The following LRBA variants were observed in gnomAD, a reference collection of about 807,000 sequenced individuals.
LRBA encodes LPS responsive beige-like anchor protein.
In LRBA, 176 loss-of-function variants were observed where a neutral mutation model predicts 330.0. That is an observed-to-expected ratio of 0.53 (90% confidence interval 0.47 to 0.60). The LOEUF (loss-of-function observed/expected upper bound fraction) is 0.60, where lower values mean the gene tolerates loss of function less well. Among genes scored for constraint, LRBA ranks in the 20% least tolerant of loss-of-function variants. The probability of loss-of-function intolerance (pLI) is 0.00; values close to 1 mark genes in which losing one functional copy is unlikely to be tolerated. For synonymous variants in LRBA, 1,230 were observed against 1,193.0 expected (o/e 1.03, Z -0.64); for missense variants, 3,259 against 3,444.8 (o/e 0.95, Z 1.35).
chr4:150,502,431 T>C (rs1760404241), intron 40 of LRBA, among the ~76,000 whole-genome samples: 1 of 152,066 alleles, frequency 6.6e-6, no homozygotes, highest in Non-Finnish European at 1.5e-5. Context: ...TAGGCAAAAA[T>C]CACTACAACT....
Position 150,353,768 on chromosome 4 carries a change from A to G in LRBA, c.7195-3609T>C, listed in dbSNP as rs190029976. Among the ~76,000 whole-genome samples, 236 of 152,320 alleles carry G rather than the reference A, an allele frequency of 1.5e-3. 5 individuals are homozygous for G. In the East Asian group the frequency reaches 0.026, roughly 17 times the overall value. On this transcript the variant is annotated intron_variant, in intron 47 of 56. Transcript: ENST00000651943. Reference sequence around the variant, plus strand: ...TAGGTCAGTCCTTAAGGAGTTGACCAGTAATTCGCGGAACTATTGGCAAAA... The same window carrying G: ...TAGGTCAGTCCTTAAGGAGTTGACCGGTAATTCGCGGAACTATTGGCAAAA...
intron 40 of LRBA, among the ~76,000 whole-genome samples, chr4:150,533,528 C>T (rs775492522): frequency 3.9e-5 from 6 of 152,008 alleles, no homozygotes; most frequent in Non-Finnish European, 8.8e-5. Context: ...TATTTGCTTA[C>T]ACTGCTGCTG....
chr4:150,622,134 G>A (rs1776356151), intron 37 of LRBA, among the ~76,000 whole-genome samples: 2 of 152,176 alleles, frequency 1.3e-5, no homozygotes, highest in Non-Finnish European at 2.9e-5. Context: ...GAGGCAACAT[G>A]TTTAAAAACT....
At chr4:150,448,180 A>C (rs922062006) in intron 44 of LRBA, among the ~76,000 whole-genome samples, 4 of 152,226 alleles carry the variant, frequency 2.6e-5, no homozygotes, top group Non-Finnish European at 4.4e-5. Context: ...GGATTTGTCA[A>C]ATATTAATGG....
intron 36 of LRBA, among the ~76,000 whole-genome samples, chr4:150,687,411 A>C (rs1413181019): frequency 1.3e-5 from 2 of 152,066 alleles, no homozygotes; most frequent in Admixed American, 1.3e-4. Flanking sequence ...CAAATCTAAA[A>C]CTTTCATTCA....
chr4:150,376,289 T>C (rs566149994), intron 47 of LRBA, among the ~76,000 whole-genome samples: 3 of 152,328 alleles, frequency 2.0e-5, no homozygotes, highest in African/African-American at 7.2e-5. Context: ...TTAGGTAGTT[T>C]ATCTCAGAAA....
chr4:150,995,787 T>G (rs1742566892), intron 2 of LRBA, among the ~76,000 whole-genome samples: 1 of 152,096 alleles, frequency 6.6e-6, no homozygotes, highest in Admixed American at 6.6e-5. Flanking sequence ...CCTCAATAAA[T>G]ATTATTTATT....
chr4:150,532,560 A>T (rs531970684), intron 40 of LRBA, among the ~76,000 whole-genome samples: 1 of 152,242 alleles, frequency 6.6e-6, no homozygotes, highest in African/African-American at 2.4e-5. Flanking sequence ...TTAAAAAAAA[A>T]TACCAGTGAT....
chr4:150,754,266 G>GCA lies in LRBA; in HGVS notation c.5645+7516_5645+7517insTG, dbSNP rs57817520. The stretch of plus-strand genomic sequence containing the variant: ...CAAAACATATGAATAAAATAAATAA[G>GCA]AAACATATGCTTATCCTAATTAAGG... On this transcript the variant is annotated intron_variant, in intron 35 of 56. Transcript: ENST00000651943. 3.8e-3 allele frequency among the ~76,000 whole-genome samples: 577 copies of GCA among 150,462 alleles called. 1 individual carries two copies. The highest frequency in any genetic ancestry group is 0.013 in the African/African-American group (513 of 40,212).
chr4:150,810,090 T>C (rs1218387565), intron 31 of LRBA, among the ~76,000 whole-genome samples: 1 of 152,154 alleles, frequency 6.6e-6, no homozygotes, highest in East Asian at 1.9e-4. Flanking sequence ...TTTGTGGATA[T>C]AACTGAATAA....
intron 40 of LRBA, among the ~76,000 whole-genome samples, chr4:150,552,840 C>T (rs1249456153): frequency 3.3e-5 from 5 of 151,906 alleles, no homozygotes; most frequent in African/African-American, 4.8e-5. Flanking sequence ...GAGGCTGAGG[C>T]GGGCAGATCA....
chr4:150,956,765 C>T (rs1452206873), intron 2 of LRBA, among the ~76,000 whole-genome samples: 1 of 148,768 alleles, frequency 6.7e-6, no homozygotes, highest in African/African-American at 2.6e-5. Context: ...AATGAAAAAC[C>T]ACATGATCAT....
At chr4:150,352,309 A>G (rs186004504) in intron 47 of LRBA, among the ~76,000 whole-genome samples, 140 of 152,340 alleles carry the variant, frequency 9.2e-4, no homozygotes, top group African/African-American at 3.2e-3. Context: ...GATACGCTTT[A>G]TTAAAATAAG....
At chr4:150,967,356 C>G (rs944009277) in intron 2 of LRBA, among the ~76,000 whole-genome samples, 2 of 152,186 alleles carry the variant, frequency 1.3e-5, no homozygotes, top group South Asian at 2.1e-4. Flanking sequence ...ACAATCCAGT[C>G]CAGACTATTT....
In LRBA at chr4:150,801,048, T is replaced by C. The variant is rs78936041; in HGVS notation, c.5519-2906A>G. ...AATCCTCAAGTATACAATGAAAAAA[T>C]AGTCATGACTATTTACTATCTGGAA... is the stretch of plus-strand genomic sequence containing the variant. On this transcript the variant is annotated intron_variant, in intron 33 of 56. Transcript: ENST00000651943. Among the ~76,000 whole-genome samples the C allele has an allele frequency of 4.6e-3, 697 of 152,150 alleles. 6 individuals carry two copies. The highest frequency in any genetic ancestry group is 0.016 in the African/African-American group (666 of 41,506).
At chr4:150,675,205 C>CA in intron 37 of LRBA, among the ~76,000 whole-genome samples, 1 of 151,890 alleles carries the variant, frequency 6.6e-6, no homozygotes, top group Admixed American at 6.6e-5. Flanking sequence ...AACAAAAAAA[C>CA]AAAAAAACAA....
At position 150,435,580 on chromosome 4, in the gene LRBA, T is replaced by C; in HGVS notation, c.7041+9A>G. 1.9e-6 allele frequency: 3 copies of C among 1,598,436 alleles called. No individual in the cohort carries two copies. Among genetic ancestry groups the C allele is most frequent in the Non-Finnish European group, 2.6e-6 (3 of 1,176,046 alleles). Reference sequence around the variant, plus strand: ...GCAATAACAACTATAAAACAAAACATTTCTGTACCTTAATATCAGAGGTAT... The same window carrying C: ...GCAATAACAACTATAAAACAAAACACTTCTGTACCTTAATATCAGAGGTAT... On this transcript the variant is annotated intron_variant, in intron 46 of 56. Transcript: ENST00000651943.
Position 150,583,827 on chromosome 4 carries a change from C to A in LRBA, c.6330+4221G>T. ...GGGACCGCCACCTGGAGCTACCCGG[C>A]CAGCCGCTCAACAACTACCACATGA... is the stretch of plus-strand genomic sequence containing the variant. On this transcript the variant is annotated intron_variant, in intron 40 of 56. Transcript: ENST00000651943. This position sits in a 1 kb window ranked among gnomAD's most constrained non-coding sequence, Gnocchi z 9.8. 6.2e-7 allele frequency: 1 copy of A among 1,614,204 alleles called. No individual in the cohort carries two copies. Among genetic ancestry groups the A allele is most frequent in the African/African-American group, 1.3e-5 (1 of 75,048 alleles).
chr4:150,581,757 T>C (rs1323139105), intron 40 of LRBA: 2 of 153,014 alleles, frequency 1.3e-5, no homozygotes, highest in African/African-American at 4.8e-5. Flanking sequence ...CCCTGTTTCT[T>C]TATCAAGTGC....
Sources: allele counts gnomAD v4.1 joint callset (sites outside exome capture counted in the v4.1 genomes callset), GRCh38; gene constraint gnomAD v4.1.1; non-coding constraint Gnocchi (gnomAD v3.1); transcripts MANE v1.5; gene names NCBI Gene and HGNC (gene_info 2026-07-23, HGNC 2026-07-21).